The following NEK4 variants were observed in gnomAD, a reference collection of about 807,000 sequenced individuals.
NEK4 encodes the protein serine/threonine-protein kinase Nek4.
NEK4 carries 86 observed loss-of-function variants against 98.4 expected under a neutral mutation model. The ratio of observed to expected loss-of-function variants is 0.87; its 90% confidence interval spans 0.73 to 1.05. NEK4 has a LOEUF of 1.05. NEK4 is among the 50% of genes least tolerant of loss of function. The probability of loss-of-function intolerance (pLI) is 0.00; values close to 1 mark genes in which losing one functional copy is unlikely to be tolerated. For synonymous variants in NEK4, 328 were observed against 342.2 expected, an observed-to-expected ratio of 0.96 and a Z score of 0.46; for missense variants, 898 against 950.3, an observed-to-expected ratio of 0.94 and a Z score of 0.72.
At chr3:52,718,557 C>A (rs191801346) in intron 15 of NEK4, among the ~76,000 whole-genome samples, 3 of 152,022 alleles carry the variant, frequency 2.0e-5, no homozygotes, top group Admixed American at 1.3e-4. Context: ...AGTTCAACTA[C>A]GTGCTTAGAA....
intron 14 of NEK4, 106 bp downstream of exon 14, chr3:52,739,323 C>G: frequency 2.3e-6 from 2 of 882,422 alleles, no homozygotes; most frequent in South Asian, 3.0e-5. Context: ...CGCTTGAACC[C>G]GGGAGGCAAA....
rs1306504859 is a variant in NEK4, at chr3:52,709,296, AGAT to A, written c.*2478_*2480del. The stretch of plus-strand genomic sequence containing the variant: ...TTCGGAAGAAAATTCACAGTCTTAA[AGAT>A]GAGTTTTTAAATTAATTTAGGAAGA... On this transcript the variant is annotated 3_prime_UTR_variant, in exon 16 of 16. Transcript: ENST00000233027. 1 of 152,230 alleles carries A rather than the reference AGAT, an allele frequency of 6.6e-6. No homozygotes were observed. Among genetic ancestry groups the A allele is most frequent in the African/African-American group, 2.4e-5 (1 of 41,462 alleles). 9.4% of individuals were successfully genotyped at this position (152,230 alleles called of 1,614,324 possible). A position where few individuals can be genotyped will look rare whatever the true frequency, so the allele number is the denominator to read the frequency against.
In NEK4 at chr3:52,751,936, T is replaced by C. The variant is rs997131627; in HGVS notation, c.1364A>G (p.Asp455Gly). 1 of 1,612,600 alleles carries C rather than the reference T, an allele frequency of 6.2e-7. No individual in the cohort carries two copies. Among genetic ancestry groups the C allele is most frequent in the Non-Finnish European group, 8.5e-7 (1 of 1,179,496 alleles). ...TCATGTGTGCATATCACTCACCTGG[T>C]CCTTTGGCTTTTGTTCTTTGATTAG... ...QPLIKEQKPK[D>G]QSLALSPKLE... Residue 455 changes from aspartate to glycine, a missense_variant, in exon 7 of 16, where the codon GAC becomes GGC. Asp to Gly is a moderately conservative substitution (Grantham distance 94). Transcript: ENST00000233027.
intron 11 of NEK4, among the ~76,000 whole-genome samples, chr3:52,743,839 A>G (rs1187147840): frequency 1.3e-5 from 2 of 152,228 alleles, no homozygotes; most frequent in Admixed American, 6.5e-5. Context: ...AAAATATTAA[A>G]AAGAATGATA....
chr3:52,727,545 G>A (rs532112861), intron 15 of NEK4, among the ~76,000 whole-genome samples: 4 of 152,132 alleles, frequency 2.6e-5, no homozygotes, highest in Middle Eastern at 3.4e-3. Flanking sequence ...GTGTGACCTC[G>A]GCTCACTCCG....
At chr3:52,756,613 C>CA (rs2097415554) in intron 6 of NEK4, among the ~76,000 whole-genome samples, 2 of 151,912 alleles carry the variant, frequency 1.3e-5, no homozygotes, top group South Asian at 2.1e-4. Context: ...TCAAAATGAA[C>CA]AAAAAACCTA....
intron 6 of NEK4, among the ~76,000 whole-genome samples, chr3:52,755,028 C>T (rs1346732377): frequency 6.8e-6 from 1 of 146,608 alleles, no homozygotes; most frequent in Non-Finnish European, 1.5e-5. Context: ...GAGCCAAGGT[C>T]GCACCACTGG....
chr3:52,757,057 C>T (rs1306735325), intron 6 of NEK4, among the ~76,000 whole-genome samples: 1 of 152,206 alleles, frequency 6.6e-6, no homozygotes, highest in Non-Finnish European at 1.5e-5. Context: ...GATACCACCT[C>T]ATGCCCATTA....
At position 52,741,224 on chromosome 3, in the gene NEK4, G is replaced by A. The variant is rs377285878; in HGVS notation, c.2093+187C>T. Among the ~76,000 whole-genome samples, 40 of 105,618 alleles carry A rather than the reference G, an allele frequency of 3.8e-4. No homozygotes were observed. The East Asian group carries it at 7.0e-3, about 18-fold the overall frequency. 69.3% of individuals were successfully genotyped at this position (105,618 alleles called of 152,430 possible). Reference sequence around the variant, plus strand: ...GCACTCCAGCCTGGGCAACAAGAGCGAAACTCCGTCTCAAAAAAAAAAAAA... The same window carrying A: ...GCACTCCAGCCTGGGCAACAAGAGCAAAACTCCGTCTCAAAAAAAAAAAAA... On this transcript the variant is annotated intron_variant, in intron 13 of 15. Coordinates refer to ENST00000233027, the MANE Select transcript of NEK4 (RefSeq NM_003157.6).
At chr3:52,770,026 A>G (rs1288418066) in intron 1 of NEK4, among the ~76,000 whole-genome samples, 9 of 152,312 alleles carry the variant, frequency 5.9e-5, no homozygotes. Context: ...GTAGCAGTAG[A>G]GATGAGAGGA....
In NEK4 at chr3:52,739,645, A is replaced by C. The variant is rs959669184; in HGVS notation, c.2094-11T>G. Reference sequence around the variant, plus strand: ...TTTGTCTGACCTTTCCTGGGGGAAAAAAATATCCCTTTGTTATTTAATTGG... The same window carrying C: ...TTTGTCTGACCTTTCCTGGGGGAAACAAATATCCCTTTGTTATTTAATTGG... On this transcript the variant is annotated splice_polypyrimidine_tract_variant and intron_variant, in intron 13 of 15. Coordinates refer to ENST00000233027, the MANE Select transcript of NEK4 (RefSeq NM_003157.6). The C allele has an allele frequency of 1.9e-6, 3 of 1,600,514 alleles. No individual in the cohort carries two copies. The African/African-American group carries it at 4.0e-5, about 21-fold the overall frequency.
chr3:52,734,469 T>A (rs1460693294), intron 15 of NEK4, among the ~76,000 whole-genome samples: 28 of 93,396 alleles, frequency 3.0e-4, no homozygotes, highest in East Asian at 7.4e-4. Flanking sequence ...AAAAAAAAGA[T>A]CGAGACCATC....
At chr3:52,759,074 G>A (rs1297043311) in intron 6 of NEK4, among the ~76,000 whole-genome samples, 1 of 146,256 alleles carries the variant, frequency 6.8e-6, no homozygotes, top group Non-Finnish European at 1.5e-5. Context: ...CTACGTAACA[G>A]AGCAAGATCC....
At chr3:52,744,405 G>C (rs1212081989) in intron 10 of NEK4, 100 bp from the exon 11 acceptor site, 1 of 947,122 alleles carries the variant, frequency 1.1e-6, no homozygotes, top group Non-Finnish European at 1.7e-6. Flanking sequence ...AAAGGTCTGA[G>C]CTGGATGCGG....
Position 52,709,302 on chromosome 3 carries a change from G to A in NEK4, c.*2475C>T, listed in dbSNP as rs961902600. 3.3e-5 allele frequency: 5 copies of A among 152,008 alleles called. No individual in the cohort carries two copies. Among genetic ancestry groups the A allele is most frequent in the Admixed American group, 6.6e-5 (1 of 15,248 alleles). 9.4% of individuals were successfully genotyped at this position (152,008 alleles called of 1,614,324 possible). ...AGAAAATTCACAGTCTTAAAGATGA[G>A]TTTTTAAATTAATTTAGGAAGATGA... On this transcript the variant is annotated 3_prime_UTR_variant, in exon 16 of 16. Coordinates refer to ENST00000233027, the MANE Select transcript of NEK4 (RefSeq NM_003157.6).
At chr3:52,740,461 T>C (rs1454605644) in intron 13 of NEK4, among the ~76,000 whole-genome samples, 4 of 151,618 alleles carry the variant, frequency 2.6e-5, no homozygotes, top group Admixed American at 6.6e-5. Flanking sequence ...ATTAATGAAC[T>C]CAAAGACATA....
chr3:52,721,158 T>C (rs2097359715), intron 15 of NEK4, among the ~76,000 whole-genome samples: 2 of 152,226 alleles, frequency 1.3e-5, no homozygotes, highest in African/African-American at 4.8e-5. Context: ...CTGAAGCAGC[T>C]TGCATGCTGC....
At chr3:52,746,389 G>A (rs538096168) in intron 9 of NEK4, among the ~76,000 whole-genome samples, 179 bp from the exon 10 acceptor site, 77 of 152,284 alleles carry the variant, frequency 5.1e-4, no homozygotes, top group Admixed American at 4.2e-3. Flanking sequence ...GAGAGGATAC[G>A]TGTTGAAGTT....
At position 52,761,831 on chromosome 3, in the gene NEK4, G is replaced by C. The variant is rs1245426017; in HGVS notation, c.822-895C>G. Among the ~76,000 whole-genome samples the C allele has an allele frequency of 5.3e-5, 8 of 152,100 alleles. No homozygotes were observed. In the South Asian group the frequency reaches 1.7e-3, roughly 32 times the overall value. Reference sequence around the variant, plus strand: ...ACATGTCTGTAATAATACCACAACTGCTTGGCTAACTTTGAGAGTAAAACT... The same window carrying C: ...ACATGTCTGTAATAATACCACAACTCCTTGGCTAACTTTGAGAGTAAAACT... On this transcript the variant is annotated intron_variant, in intron 5 of 15. Coordinates refer to ENST00000233027, the MANE Select transcript of NEK4 (RefSeq NM_003157.6).
Sources: allele counts gnomAD v4.1 joint callset (sites outside exome capture counted in the v4.1 genomes callset), GRCh38; gene constraint gnomAD v4.1.1; transcripts MANE v1.5; gene names NCBI Gene and HGNC (gene_info 2026-07-23, HGNC 2026-07-21).